ATP6V1B1: variants seen among roughly 807,000 people sequenced by gnomAD.
The protein encoded by ATP6V1B1 is ATPase H+ transporting V1 subunit B1, also known as V-type proton ATPase subunit B, kidney isoform.
Under a neutral mutation model 62.1 loss-of-function variants are expected in ATP6V1B1, and 41 were observed. The observed-to-expected ratio is 0.66, with a 90% CI of 0.51 to 0.86. The LOEUF (loss-of-function observed/expected upper bound fraction) is 0.86, where lower values mean the gene tolerates loss of function less well. Ranked by LOEUF, ATP6V1B1 falls within the 40% of genes least tolerant of loss-of-function variation. The pLI, the probability that ATP6V1B1 is intolerant of heterozygous loss-of-function variation, is 0.00. For synonymous variants in ATP6V1B1, 253 were observed against 273.4 expected (o/e 0.93, Z 0.74); for missense variants, 651 against 697.5 (o/e 0.93, Z 0.75).
intron 2 of ATP6V1B1, among the ~76,000 whole-genome samples, chr2:70,946,916 T>A (rs1553417461): frequency 1.3e-5 from 2 of 152,232 alleles, no homozygotes; most frequent in African/African-American, 2.4e-5. Flanking sequence ...TCTGTAGCTT[T>A]GGCAGAGAAA....
chr2:70,959,020 C>A lies in ATP6V1B1; in HGVS notation c.370C>A (p.Arg124=), dbSNP rs727505222. The part of the protein sequence containing the change: ...RTPVSEDMLG[R]VFNGSGKPID... The stretch of plus-strand genomic sequence containing the variant: ...CAACACTCCTCGTCCACCCTCAGGT[C>A]GGGTTTTCAATGGCTCCGGCAAGCC... The change falls in exon 5 of 14, where the codon CGG becomes AGG. Residue 124 remains arginine (R), a splice_region_variant and synonymous_variant. Coordinates refer to ENST00000234396, the MANE Select transcript of ATP6V1B1 (RefSeq NM_001692.4). The surrounding 1 kb of genome is among the most constrained non-coding windows in gnomAD (Gnocchi z 4.2). The A allele has an allele frequency of 6.2e-6, 10 of 1,613,922 alleles. No individual in the cohort carries two copies. The Admixed American group carries it at 1.5e-4, about 24-fold the overall frequency.
chr2:70,941,481 C>T (rs1553416401), intron 1 of ATP6V1B1: 2 of 980,670 alleles, frequency 2.0e-6, no homozygotes, highest in African/African-American at 1.7e-5. Flanking sequence ...GCTCAAACGG[C>T]CCTTCCCATA....
At chr2:70,943,597 T>C in intron 1 of ATP6V1B1, 61 bp from the exon 2 acceptor site, 1 of 1,553,290 alleles carries the variant, frequency 6.4e-7, no homozygotes, top group Non-Finnish European at 8.9e-7. Context: ...AGAGGATGCC[T>C]CTGTGTGTGT....
chr2:70,953,599 T>C (rs1680367634), intron 2 of ATP6V1B1, among the ~76,000 whole-genome samples: 1 of 152,198 alleles, frequency 6.6e-6, no homozygotes, highest in Admixed American at 6.5e-5. Flanking sequence ...TTTTTATACA[T>C]TGCTAGATTG....
chr2:70,946,567 G>A (rs782610483), intron 2 of ATP6V1B1, among the ~76,000 whole-genome samples: 12 of 152,164 alleles, frequency 7.9e-5, no homozygotes, highest in Non-Finnish European at 1.3e-4. Context: ...CATCAATCTC[G>A]GATTGTAAAT....
chr2:70,963,260 G>A lies in ATP6V1B1; in HGVS notation c.1008G>A (p.Glu336=), dbSNP rs2104831903. ...ATIYERAGRV[E]GRGGSITQIP... ...TCTACGAGCGGGCGGGCCGCGTGGAGGGTCGGGGAGGATCCATCACACAGA... is the reference window on the plus strand; with the variant it reads ...TCTACGAGCGGGCGGGCCGCGTGGAAGGTCGGGGAGGATCCATCACACAGA... The change falls in exon 10 of 14, where the codon GAG becomes GAA. Residue 336 remains glutamate, a synonymous_variant. Transcript: ENST00000234396. The surrounding 1 kb of genome is among the most constrained non-coding windows in gnomAD (Gnocchi z 4.3). 1 of 1,613,780 alleles carries A rather than the reference G, an allele frequency of 6.2e-7. No individual in the cohort carries two copies. The highest frequency in any genetic ancestry group is 8.5e-7 in the Non-Finnish European group (1 of 1,179,996).
rs1680645817 is a variant in ATP6V1B1 at position 70,963,732 on chromosome 2, C to T, written c.1143+78C>T. The T allele has an allele frequency of 6.6e-7, 1 of 1,521,384 alleles. No homozygotes were observed. The highest frequency in any genetic ancestry group is 2.3e-5 in the East Asian group (1 of 43,928). The allele number at this position is 1,521,384 out of a possible 1,614,324, so 94.2% of individuals were successfully genotyped here. On this transcript the variant is annotated intron_variant, in intron 11 of 13. Transcript: ENST00000234396. This position sits in a 1 kb window ranked among gnomAD's most constrained non-coding sequence, Gnocchi z 4.3. ...GAACAGATGTTTCACTGCCCCCAGG[C>T]ATGAATTAGGAGGGGCCAGCCAAAG...
chr2:70,941,848 C>T (rs568607348), intron 1 of ATP6V1B1: 8 of 985,966 alleles, frequency 8.1e-6, no homozygotes, highest in Admixed American at 6.1e-5. Flanking sequence ...GGCTGACAGG[C>T]GGCCCCAGAG....
intron 1 of ATP6V1B1, chr2:70,938,646 A>G (rs539125848): frequency 1.0e-6 from 1 of 985,138 alleles, no homozygotes; most frequent in East Asian, 1.1e-4. Flanking sequence ...CAGCCTGGGG[A>G]GCTGACCCTG....
At chr2:70,951,206 G>A (rs1680316579) in intron 2 of ATP6V1B1, among the ~76,000 whole-genome samples, 1 of 152,076 alleles carries the variant, frequency 6.6e-6, no homozygotes, top group African/African-American at 2.4e-5. Flanking sequence ...GCCTCCCAAA[G>A]TGCAGGGATT....
At chr2:70,949,657 C>T (rs1212327315) in intron 2 of ATP6V1B1, among the ~76,000 whole-genome samples, 1 of 152,182 alleles carries the variant, frequency 6.6e-6, no homozygotes, top group Non-Finnish European at 1.5e-5. Flanking sequence ...ATTTACATTT[C>T]TCTGATAACT....
At chr2:70,958,510 AC>A in intron 4 of ATP6V1B1, 84 bp downstream of exon 4, 1 of 1,280,326 alleles carries the variant, frequency 7.8e-7, no homozygotes. Flanking sequence ...AGCACACTAC[AC>A]TGTCACTTCC....
chr2:70,941,768 A>G, intron 1 of ATP6V1B1: 1 of 985,770 alleles, frequency 1.0e-6, no homozygotes, highest in Non-Finnish European at 1.2e-6. Context: ...AGAAGTGGAG[A>G]GCCAGGCCAA....
chr2:70,961,496 C>A, intron 7 of ATP6V1B1, 100 bp from the exon 8 acceptor site: 1 of 1,240,962 alleles, frequency 8.1e-7, no homozygotes, highest in Non-Finnish European at 1.2e-6. Flanking sequence ...CGACTGGTAG[C>A]TGGTCAGTCC....
In ATP6V1B1 at chr2:70,963,255, GT is replaced by G. The variant is rs1680634325; in HGVS notation, c.1004del (p.Val335GlyfsTer28). ...CACCATCTACGAGCGGGCGGGCCGC[GT>G]GGAGGGTCGGGGAGGATCCATCACA... Reference protein sequence around the residue: ...LATIYERAGRVEGRGGSITQI... With the variant: ...LATIYERAGRXEGRGGSITQI... On this transcript the variant is annotated frameshift_variant, in exon 10 of 14. Transcript: ENST00000234396. LOFTEE classifies it high-confidence loss of function. The surrounding 1 kb of genome is among the most constrained non-coding windows in gnomAD (Gnocchi z 4.3). The G allele has an allele frequency of 6.8e-6, 11 of 1,613,852 alleles. No homozygotes were observed. Among genetic ancestry groups the G allele is most frequent in the Non-Finnish European group, 9.3e-6 (11 of 1,179,988 alleles).
At chr2:70,940,444 C>T in intron 1 of ATP6V1B1, 1 of 985,128 alleles carries the variant, frequency 1.0e-6, no homozygotes, top group Non-Finnish European at 1.2e-6. Flanking sequence ...TGCCAGCTCT[C>T]CCGGGGGCTT....
chr2:70,954,763 G>A (rs1002901679), intron 2 of ATP6V1B1, among the ~76,000 whole-genome samples: 3 of 152,120 alleles, frequency 2.0e-5, no homozygotes, highest in Admixed American at 6.5e-5. Context: ...GATTACAGGC[G>A]TGAGCCACTG....
chr2:70,937,678 G>A (rs937729349), intron 1 of ATP6V1B1, among the ~76,000 whole-genome samples: 1 of 151,846 alleles, frequency 6.6e-6, no homozygotes, highest in South Asian at 2.1e-4. Flanking sequence ...CAGGCACCCG[G>A]GAGTTGCTGG....
chr2:70,964,262 T>A (rs924877899), intron 11 of ATP6V1B1, among the ~76,000 whole-genome samples, 176 bp from the exon 12 acceptor site: 11 of 151,898 alleles, frequency 7.2e-5, no homozygotes, highest in Non-Finnish European at 1.5e-4. Context: ...TAGGGCCACA[T>A]ATAAGACAGC....
Sources: allele counts gnomAD v4.1 joint callset (sites outside exome capture counted in the v4.1 genomes callset), GRCh38; gene constraint gnomAD v4.1.1; non-coding constraint Gnocchi (gnomAD v3.1); transcripts MANE v1.5; gene names NCBI Gene and HGNC (gene_info 2026-07-23, HGNC 2026-07-21).